The following CTTNBP2 variants were observed in gnomAD, a reference collection of about 807,000 sequenced individuals.
CTTNBP2 encodes the protein cortactin binding protein 2.
Under a neutral mutation model 156.9 loss-of-function variants are expected in CTTNBP2, and 108 were observed. That is an observed-to-expected ratio of 0.69 (90% CI 0.59 to 0.81). The LOEUF is 0.81. Ranked by LOEUF, CTTNBP2 falls within the 30% of genes least tolerant of loss-of-function variation. The pLI is 0.00. For missense variants in CTTNBP2, 1,924 were observed against 2,035.4 expected (o/e 0.95, Z 1.05); for synonymous variants, 767 against 751.8 (o/e 1.02, Z -0.33).
intron 2 of CTTNBP2, among the ~76,000 whole-genome samples, chr7:117,857,017 A>G (rs936188473): frequency 6.6e-6 from 1 of 152,232 alleles, no homozygotes; most frequent in African/African-American, 2.4e-5. Context: ...TGAATAGCCA[A>G]TTAAATTTAA....
chr7:117,735,497 T>A, intron 14 of CTTNBP2, 76 bp from the exon 15 acceptor site: 2 of 1,304,878 alleles, frequency 1.5e-6, no homozygotes, highest in Non-Finnish European at 2.1e-6. Flanking sequence ...TAAAAAAGTC[T>A]GAAGTTATAA....
intron 3 of CTTNBP2, 115 bp downstream of exon 3, chr7:117,810,650 G>C: frequency 3.7e-6 from 3 of 811,080 alleles, no homozygotes; most frequent in Non-Finnish European, 6.2e-6. Flanking sequence ...GCACTTCTAA[G>C]TACTTATTGC....
chr7:117,860,886 TA>T (rs1803683275), intron 2 of CTTNBP2, among the ~76,000 whole-genome samples: 1 of 152,112 alleles, frequency 6.6e-6, no homozygotes, highest in Non-Finnish European at 1.5e-5. Flanking sequence ...GATACCAAAT[TA>T]GCAATTTTCT....
chr7:117,855,658 T>C (rs1420583284), intron 2 of CTTNBP2, among the ~76,000 whole-genome samples: 1 of 152,110 alleles, frequency 6.6e-6, no homozygotes, highest in Non-Finnish European at 1.5e-5. Context: ...AGTGCTGAGG[T>C]TGAGAAAACC....
chr7:117,721,654 GAACAGGGT>G (rs1278315722), intron 19 of CTTNBP2, among the ~76,000 whole-genome samples: 1 of 152,138 alleles, frequency 6.6e-6, no homozygotes, highest in Non-Finnish European at 1.5e-5. Context: ...GAGAAAATAT[GAACAGGGT>G]ACAAAAAGTC....
rs1198264971 is a variant in CTTNBP2, at chr7:117,777,764, TC to T, written c.2524del (p.Asp842MetfsTer88). The part of the protein sequence containing the change: ...AGTNRSVKTT[D>X]GWTPVHAAVD... Reference sequence around the variant, plus strand: ...AGCTGCGTGAACTGGTGTCCAGCCATCCTGAAAATAAAATGACCAGGGGGAA... The same window carrying T: ...AGCTGCGTGAACTGGTGTCCAGCCATCTGAAAATAAAATGACCAGGGGGAA... On this transcript the variant is annotated frameshift_variant and splice_region_variant, in exon 8 of 23. Transcript: ENST00000160373. LOFTEE classifies it high-confidence loss of function. 6.2e-7 allele frequency: 1 copy of T among 1,601,862 alleles called. No homozygotes were observed. The highest frequency in any genetic ancestry group is 1.7e-5 in the Admixed American group (1 of 59,294).
intron 2 of CTTNBP2, among the ~76,000 whole-genome samples, chr7:117,859,366 A>C (rs1411467678): frequency 6.6e-6 from 1 of 152,226 alleles, no homozygotes. Flanking sequence ...CAATTAAATT[A>C]AAAAGAGAAA....
At position 117,776,061 on chromosome 7, in the gene CTTNBP2, G is replaced by A. The variant is rs1016906347; in HGVS notation, c.2778+1450C>T. 2.6e-5 allele frequency among the ~76,000 whole-genome samples: 4 copies of A among 152,296 alleles called. No individual in the cohort carries two copies. The South Asian group carries it at 8.3e-4, about 32-fold the overall frequency. Reference sequence around the variant, plus strand: ...CAGGAGCTCTAAATACACATCTTTAGCTATCTCCTTCTGGATGAACAAATC... The same window carrying A: ...CAGGAGCTCTAAATACACATCTTTAACTATCTCCTTCTGGATGAACAAATC... On this transcript the variant is annotated intron_variant, in intron 8 of 22. Coordinates refer to ENST00000160373, the MANE Select transcript of CTTNBP2 (RefSeq NM_033427.3).
chr7:117,830,357 G>C (rs1801525266), intron 2 of CTTNBP2, among the ~76,000 whole-genome samples: 1 of 152,186 alleles, frequency 6.6e-6, no homozygotes, highest in African/African-American at 2.4e-5. Flanking sequence ...ACGGCCGACA[G>C]CAAGGGCTCC....
chr7:117,864,381 T>C (rs1373636362), intron 1 of CTTNBP2, among the ~76,000 whole-genome samples: 3 of 152,030 alleles, frequency 2.0e-5, no homozygotes, highest in Admixed American at 2.0e-4. Flanking sequence ...TCTCCACTAC[T>C]AGTCATAGTA....
At chr7:117,729,731 A>T (rs1294153069) in intron 16 of CTTNBP2, among the ~76,000 whole-genome samples, 1 of 151,824 alleles carries the variant, frequency 6.6e-6, no homozygotes, top group Non-Finnish European at 1.5e-5. Flanking sequence ...CAGGCCCTTT[A>T]TCTTTCAGAT....
At chr7:117,785,336 A>T (rs890326910) in intron 4 of CTTNBP2, among the ~76,000 whole-genome samples, 1 of 152,236 alleles carries the variant, frequency 6.6e-6, no homozygotes, top group Admixed American at 6.5e-5. Flanking sequence ...TTCCTTGATC[A>T]AAAGGCTGTA....
intron 3 of CTTNBP2, among the ~76,000 whole-genome samples, chr7:117,804,081 G>T (rs1459783588): frequency 6.6e-6 from 1 of 152,064 alleles, no homozygotes; most frequent in Non-Finnish European, 1.5e-5. Context: ...TTTTGCCTCA[G>T]CCTCCTGAGT....
intron 2 of CTTNBP2, among the ~76,000 whole-genome samples, chr7:117,840,856 G>A (rs2117130746): frequency 6.6e-6 from 1 of 152,214 alleles, no homozygotes; most frequent in African/African-American, 2.4e-5. Context: ...AATGGGTCTG[G>A]GTAGTGCAAT....
At chr7:117,752,101 C>T (rs1024836358) in intron 12 of CTTNBP2, among the ~76,000 whole-genome samples, 1 of 152,176 alleles carries the variant, frequency 6.6e-6, no homozygotes, top group Admixed American at 6.6e-5. Flanking sequence ...ATAACTATCA[C>T]TTACAACCTT....
At chr7:117,808,833 TAAAG>T (rs1800096131) in intron 3 of CTTNBP2, among the ~76,000 whole-genome samples, 1 of 152,236 alleles carries the variant, frequency 6.6e-6, no homozygotes, top group Non-Finnish European at 1.5e-5. Flanking sequence ...ATTTTGTTGT[TAAAG>T]AGATGACTTT....
chr7:117,740,496 A>C (rs1795945201), intron 14 of CTTNBP2, among the ~76,000 whole-genome samples: 2 of 152,184 alleles, frequency 1.3e-5, no homozygotes, highest in Non-Finnish European at 2.9e-5. Flanking sequence ...CTTTAGAGAA[A>C]ATAAGGTTAA....
intron 20 of CTTNBP2, 23 bp from the exon 21 acceptor site, chr7:117,719,659 G>A (rs199539621): frequency 4.1e-4 from 656 of 1,591,732 alleles, no homozygotes; most frequent in Non-Finnish European, 5.5e-4. Context: ...TCAGAAAAAC[G>A]TTTTTCAAAG....
rs763744626 is a variant in CTTNBP2 at position 117,873,372 on chromosome 7, G to A, written c.44C>T (p.Ala15Val). The A allele has an allele frequency of 3.4e-6, 5 of 1,480,944 alleles. No individual in the cohort carries two copies. Among genetic ancestry groups the A allele is most frequent in the East Asian group, 2.9e-5 (1 of 34,636 alleles). The allele number at this position is 1,480,944 out of a possible 1,614,324, so 91.7% of individuals were successfully genotyped here. ...CGCGGCCCCCGCCGCGTCCTCCGGG[G>A]CCCGGGACAAGTCGGGCTCGCAGCT... The part of the protein sequence containing the change: ...GASCEPDLSR[A>V]PEDAAGAAAE... The change falls in exon 1 of 23, where the codon GCC (alanine) becomes GTC (valine). Residue 15 changes from alanine to valine, a missense_variant. By Grantham distance (64) the Ala-to-Val change is moderately conservative (BLOSUM62 0). Coordinates refer to ENST00000160373, the MANE Select transcript of CTTNBP2 (RefSeq NM_033427.3).
Sources: gnomAD v4.1 joint callset for allele counts (sites outside exome capture counted in the v4.1 genomes callset) on GRCh38, gnomAD v4.1.1 for gene constraint, MANE v1.5 for transcripts, NCBI Gene and HGNC (gene_info 2026-07-23, HGNC 2026-07-21) for gene names.